Variants in CRYBG1 observed in about 807,000 individuals in gnomAD.
CRYBG1 encodes beta/gamma crystallin domain-containing protein 1.
A neutral mutation model predicts 189.2 loss-of-function variants in CRYBG1; 139 were observed. The ratio of observed to expected loss-of-function variants is 0.73; its 90% CI spans 0.64 to 0.85. The LOEUF (loss-of-function observed/expected upper bound fraction) is 0.85, where lower values mean the gene tolerates loss of function less well. Ranked by LOEUF, CRYBG1 falls within the 40% of genes least tolerant of loss-of-function variation. The probability of loss-of-function intolerance (pLI) is 0.00; values close to 1 mark genes in which losing one functional copy is unlikely to be tolerated. For synonymous variants in CRYBG1, 1,023 were observed against 1,017.1 expected, an observed-to-expected ratio of 1.01 and a Z score of -0.11; for missense variants, 2,611 against 2,675.8, an observed-to-expected ratio of 0.98 and a Z score of 0.53.
At chr6:106,390,179 T>C (rs1339155146) in intron 1 of CRYBG1, among the ~76,000 whole-genome samples, 1 of 152,080 alleles carries the variant, frequency 6.6e-6, no homozygotes, top group East Asian at 1.9e-4. Flanking sequence ...ATTTATAAAA[T>C]GGAGCTGTAA....
intron 15 of CRYBG1, among the ~76,000 whole-genome samples, chr6:106,552,881 G>A (rs973787818): frequency 2.6e-5 from 4 of 152,122 alleles, no homozygotes; most frequent in South Asian, 2.1e-4. Flanking sequence ...TTGCTGTGTC[G>A]ACACTAGACA....
At position 106,512,423 on chromosome 6, in the gene CRYBG1, G is replaced by A. The variant is rs1773297520; in HGVS notation, c.1306G>A (p.Glu436Lys). The change falls in exon 3 of 22, where the codon GAG becomes AAG. Residue 436 changes from glutamate to lysine, a missense_variant. Transcript: ENST00000633556. The part of the protein sequence containing the change: ...KSTDSPGADA[E>K]LPESAARDDA... Reference sequence around the variant, plus strand: ...CACCGACTCCCCCGGCGCGGACGCCGAGCTCCCTGAGAGCGCTGCCAGGGA... The same window carrying A: ...CACCGACTCCCCCGGCGCGGACGCCAAGCTCCCTGAGAGCGCTGCCAGGGA... The A allele has an allele frequency of 1.9e-6, 3 of 1,608,900 alleles. No homozygotes were observed. The highest frequency in any genetic ancestry group is 1.3e-5 in the African/African-American group (1 of 74,882).
At chr6:106,431,668 C>A (rs554644969) in intron 1 of CRYBG1, among the ~76,000 whole-genome samples, 3 of 152,274 alleles carry the variant, frequency 2.0e-5, no homozygotes, top group African/African-American at 7.2e-5. Flanking sequence ...GAAAAATACA[C>A]ACAGAAATGG....
chr6:106,518,521 A>C (rs1223422683), intron 3 of CRYBG1, among the ~76,000 whole-genome samples: 2 of 152,254 alleles, frequency 1.3e-5, no homozygotes, highest in African/African-American at 2.4e-5. Context: ...CTGTGCATAC[A>C]TGCTACGTAC....
chr6:106,466,208 A>T (rs1772112292), intron 2 of CRYBG1, among the ~76,000 whole-genome samples: 1 of 152,242 alleles, frequency 6.6e-6, no homozygotes, highest in South Asian at 2.1e-4. Context: ...CACCCAAAGT[A>T]CTAAGTGCAG....
At chr6:106,467,388 C>G (rs912991297) in intron 2 of CRYBG1, among the ~76,000 whole-genome samples, 1 of 152,062 alleles carries the variant, frequency 6.6e-6, no homozygotes, top group African/African-American at 2.4e-5. Context: ...AGGAGGATTG[C>G]TTGAGCCCAG....
chr6:106,544,863 G>C lies in CRYBG1; in HGVS notation c.5242G>C (p.Gly1748Arg). Residue 1748 changes from glycine to arginine, a missense_variant, in exon 13 of 22, where the codon GGA becomes CGA. Coordinates refer to ENST00000633556, the MANE Select transcript of CRYBG1 (RefSeq NM_001371242.2). ...GSKGSSIDVL[G>R]IVANLKETGY... ...CAAAGGTTCCAGTATTGATGTATTG[G>C]GAATTGTTGCTAATTTAAAGGAGAC... The C allele has an allele frequency of 6.2e-7, 1 of 1,613,820 alleles. No homozygotes were observed. The highest frequency in any genetic ancestry group is 1.7e-4 in the Middle Eastern group (1 of 6,058).
chr6:106,430,718 A>G (rs921736975), intron 1 of CRYBG1, among the ~76,000 whole-genome samples: 1 of 151,762 alleles, frequency 6.6e-6, no homozygotes, highest in African/African-American at 2.4e-5. Context: ...TTCCCATATT[A>G]TCTCGTGGCC....
chr6:106,420,898 G>A (rs576786487), intron 1 of CRYBG1: 5 of 152,540 alleles, frequency 3.3e-5, no homozygotes, highest in Non-Finnish European at 7.3e-5. Flanking sequence ...TGTATGGGTA[G>A]AGCCTCAATT....
At chr6:106,486,587 G>A (rs912735053) in intron 2 of CRYBG1, among the ~76,000 whole-genome samples, 1 of 151,996 alleles carries the variant, frequency 6.6e-6, no homozygotes, top group Non-Finnish European at 1.5e-5. Flanking sequence ...AATAATCTTT[G>A]CTTTATATAT....
At chr6:106,537,044 C>T (rs1334750399) in intron 8 of CRYBG1, among the ~76,000 whole-genome samples, 3 of 152,240 alleles carry the variant, frequency 2.0e-5, no homozygotes, top group African/African-American at 7.2e-5. Context: ...TTCAGAACAG[C>T]AGTCTTTTCA....
chr6:106,423,368 T>G (rs1279483357), intron 1 of CRYBG1, among the ~76,000 whole-genome samples: 1 of 150,436 alleles, frequency 6.6e-6, no homozygotes, highest in African/African-American at 2.5e-5. Context: ...TCCTTTGCAT[T>G]GGCTAGAGTC....
intron 1 of CRYBG1, among the ~76,000 whole-genome samples, chr6:106,378,092 C>T (rs999853685): frequency 1.2e-4 from 18 of 152,122 alleles, no homozygotes; most frequent in African/African-American, 4.1e-4. Context: ...AGTGGGAGGC[C>T]TAAGGCTTAG....
At chr6:106,389,177 TG>T in intron 1 of CRYBG1, among the ~76,000 whole-genome samples, 1 of 152,158 alleles carries the variant, frequency 6.6e-6, no homozygotes, top group Admixed American at 6.5e-5. Context: ...AATTGCTTTT[TG>T]TTATATGATT....
At chr6:106,421,283 G>T (rs1472767840) in intron 1 of CRYBG1, among the ~76,000 whole-genome samples, 1 of 152,208 alleles carries the variant, frequency 6.6e-6, no homozygotes, top group Non-Finnish European at 1.5e-5. Flanking sequence ...ACCATGATGA[G>T]GCAGCAGTTG....
chr6:106,421,342 G>A lies in CRYBG1; in HGVS notation c.174-30352G>A, dbSNP rs547885943. ...TAGAAGAGTGGAAAGCAGTTCCAAG[G>A]TTTCAAGTCTGGGTGATGCATTACC... On this transcript the variant is annotated intron_variant, in intron 1 of 21. Transcript: ENST00000633556. Among the ~76,000 whole-genome samples the A allele has an allele frequency of 1.3e-4, 20 of 152,302 alleles. 1 individual carries two copies. Among genetic ancestry groups the A allele is most frequent in the Admixed American group, 3.3e-4 (5 of 15,296 alleles).
chr6:106,419,225 C>G (rs1408168727), intron 1 of CRYBG1, among the ~76,000 whole-genome samples: 1 of 152,160 alleles, frequency 6.6e-6, no homozygotes, highest in Non-Finnish European at 1.5e-5. Flanking sequence ...ACAGGCTGCT[C>G]TTTGTTAGAA....
chr6:106,407,534 A>T (rs1376287392), intron 1 of CRYBG1, among the ~76,000 whole-genome samples: 1 of 152,224 alleles, frequency 6.6e-6, no homozygotes, highest in African/African-American at 2.4e-5. Context: ...GACCTAATAG[A>T]CATCTACAGA....
Position 106,519,701 on chromosome 6 carries a change from A to T in CRYBG1, c.2493A>T (p.Val831=). 2.5e-6 allele frequency: 4 copies of T among 1,614,204 alleles called. No individual in the cohort carries two copies. Among genetic ancestry groups the T allele is most frequent in the Non-Finnish European group, 3.4e-6 (4 of 1,180,026 alleles). Residue 831 remains valine, a synonymous_variant, in exon 4 of 22, where the codon GTA becomes GTT. Coordinates refer to ENST00000633556, the MANE Select transcript of CRYBG1 (RefSeq NM_001371242.2). ...GCAAAAGCCTTGTACTTGAAAATGT[A>T]ACCGATACAGCACAAGACATCCCCA... The part of the protein sequence containing the change: ...ADSKSLVLEN[V]TDTAQDIPTT...
Sources: allele counts gnomAD v4.1 joint callset (sites outside exome capture counted in the v4.1 genomes callset), GRCh38; gene constraint gnomAD v4.1.1; transcripts MANE v1.5; gene names NCBI Gene and HGNC (gene_info 2026-07-23, HGNC 2026-07-21).